UHMK1: variants seen among roughly 807,000 people sequenced by gnomAD.
UHMK1 encodes the protein U2AF homology motif kinase 1, also known as serine/threonine-protein kinase Kist.
In UHMK1, 18 loss-of-function variants were observed where a neutral mutation model predicts 44.0. The observed-to-expected ratio is 0.41, with a 90% CI of 0.28 to 0.61. The LOEUF (loss-of-function observed/expected upper bound fraction) is 0.61, where lower values mean the gene tolerates loss of function less well. Ranked by LOEUF, UHMK1 falls within the 20% of genes least tolerant of loss-of-function variation. The probability of loss-of-function intolerance (pLI) is 0.31; values close to 1 mark genes in which losing one functional copy is unlikely to be tolerated. For missense variants in UHMK1, 463 were observed against 522.5 expected, an observed-to-expected ratio of 0.89 and a Z score of 1.11; for synonymous variants, 231 against 198.5, an observed-to-expected ratio of 1.16 and a Z score of -1.38.
chr1:162,502,521 A>G (rs1477433605), intron 3 of UHMK1, among the ~76,000 whole-genome samples: 2 of 152,206 alleles, frequency 1.3e-5, no homozygotes, highest in African/African-American at 4.8e-5. Flanking sequence ...GACATAGATC[A>G]GTTATTTGAA....
chr1:162,506,235 C>A (rs1329550834), intron 4 of UHMK1, among the ~76,000 whole-genome samples: 4 of 118,284 alleles, frequency 3.4e-5, no homozygotes, highest in Admixed American at 8.6e-5. Context: ...CCCCCCCCCC[C>A]CACCATTTTA....
At chr1:162,521,570 A>C (rs1652060332) in intron 7 of UHMK1, among the ~76,000 whole-genome samples, 1 of 152,186 alleles carries the variant, frequency 6.6e-6, no homozygotes, top group Non-Finnish European at 1.5e-5. Flanking sequence ...TGATCCTCCC[A>C]ACTCTGCCTC....
intron 7 of UHMK1, among the ~76,000 whole-genome samples, chr1:162,521,083 G>C (rs1352922099): frequency 1.3e-5 from 2 of 152,132 alleles, no homozygotes; most frequent in Non-Finnish European, 1.5e-5. Context: ...TTTTGAAAAT[G>C]TCCATTACCT....
rs1251266407 is a variant in UHMK1, at chr1:162,500,119, G to T, written c.433G>T (p.Ala145Ser). ...GCATTGTGCCCGAGATGTTTTGGAG[G>T]CCCTTGCTTTTCTTCATCATGAGGG... ...IQHCARDVLE[A>S]LAFLHHEGYV... Residue 145 changes from alanine to serine, a missense_variant, in exon 2 of 8, where the codon GCC (alanine) becomes TCC (serine). This residue lies in a region of UHMK1 where 264 missense variants were observed against 326.3 expected (regional missense o/e 0.81). Transcript: ENST00000489294. The T allele has an allele frequency of 1.2e-6, 2 of 1,614,138 alleles. No homozygotes were observed.
chr1:162,500,335 G>T, intron 2 of UHMK1, 88 bp downstream of exon 2: 2 of 1,416,678 alleles, frequency 1.4e-6, no homozygotes, highest in East Asian at 2.4e-5. Context: ...AGTTTAGTAG[G>T]GGCTTACAAG....
intron 7 of UHMK1, among the ~76,000 whole-genome samples, chr1:162,520,709 G>A (rs890218591): frequency 2.6e-5 from 4 of 152,288 alleles, no homozygotes; most frequent in Middle Eastern, 6.8e-3. Flanking sequence ...AAGAAGAATA[G>A]TAGGAGATTA....
chr1:162,522,675 A>G lies in UHMK1; in HGVS notation c.*125A>G. ...TTTATACATTTATTTAATCCTACTA[A>G]TGTGCAGCCATTGCCCAAGCAGTGA... On this transcript the variant is annotated 3_prime_UTR_variant, in exon 8 of 8. Coordinates refer to ENST00000489294, the MANE Select transcript of UHMK1 (RefSeq NM_175866.5). 1 of 1,097,832 alleles carries G rather than the reference A, an allele frequency of 9.1e-7. No homozygotes were observed. Among genetic ancestry groups the G allele is most frequent in the Non-Finnish European group, 1.3e-6 (1 of 780,914 alleles). The allele number at this position is 1,097,832 out of a possible 1,614,324, so 68.0% of individuals were successfully genotyped here. A position where few individuals can be genotyped will look rare whatever the true frequency, so the allele number is the denominator to read the frequency against.
rs975613243 is a variant in UHMK1, at chr1:162,524,501, T to C, written c.*1951T>C. 6.6e-6 allele frequency: 1 copy of C among 152,222 alleles called. No homozygotes were observed. Among genetic ancestry groups the C allele is most frequent in the Non-Finnish European group, 1.5e-5 (1 of 68,032 alleles). 9.4% of individuals were successfully genotyped at this position (152,222 alleles called of 1,614,324 possible). ...ACCCGTATTGTGAAGACCTAAACTTTCCTAAATGTTCATATGGGTAGCAGA... is the reference window on the plus strand; with the variant it reads ...ACCCGTATTGTGAAGACCTAAACTTCCCTAAATGTTCATATGGGTAGCAGA... On this transcript the variant is annotated 3_prime_UTR_variant, in exon 8 of 8. Transcript: ENST00000489294.
intron 3 of UHMK1, 101 bp from the exon 4 acceptor site, chr1:162,503,653 A>T: frequency 1.7e-6 from 1 of 603,508 alleles, no homozygotes; most frequent in Non-Finnish European, 2.8e-6. Flanking sequence ...CTCAGAAGAT[A>T]GTGTTTTCTG....
chr1:162,503,512 G>C (rs242517), intron 3 of UHMK1, among the ~76,000 whole-genome samples: 11,559 of 151,462 alleles, frequency 0.076, 1,446 homozygotes, highest in African/African-American at 0.26. Context: ...GCAGGAGGCT[G>C]AGGCAGGAGG....
chr1:162,514,933 C>A (rs1370499042), intron 6 of UHMK1, among the ~76,000 whole-genome samples: 1 of 152,170 alleles, frequency 6.6e-6, no homozygotes, highest in East Asian at 1.9e-4. Flanking sequence ...TGCATAGTAA[C>A]CAAATGTTTT....
chr1:162,518,375 A>G lies in UHMK1; in HGVS notation c.1113+185A>G, dbSNP rs926413306. Among the ~76,000 whole-genome samples the G allele has an allele frequency of 5.3e-5, 8 of 151,830 alleles. No homozygotes were observed. The Middle Eastern group carries it at 0.014, about 258-fold the overall frequency. ...TCTAAAAGTTCTATAATATGCTTGC[A>G]TTTTTTTAGCACTTAAAATTTTTTT... On this transcript the variant is annotated intron_variant, in intron 7 of 7. Transcript: ENST00000489294.
At position 162,529,124 on chromosome 1, in the gene UHMK1, A is replaced by G. The variant is rs1276225248; in HGVS notation, c.*6574A>G. 6.6e-6 allele frequency: 1 copy of G among 152,170 alleles called. No individual in the cohort carries two copies. Among genetic ancestry groups the G allele is most frequent in the Non-Finnish European group, 1.5e-5 (1 of 67,982 alleles). 9.4% of individuals were successfully genotyped at this position (152,170 alleles called of 1,614,324 possible). The stretch of plus-strand genomic sequence containing the variant: ...TTTACCTTCACCTCAGAACTACAAG[A>G]ATATTACAATACATAGTGAATAGTT... On this transcript the variant is annotated 3_prime_UTR_variant, in exon 8 of 8. Transcript: ENST00000489294.
At position 162,512,813 on chromosome 1, in the gene UHMK1, G is replaced by A. The variant is rs375500615; in HGVS notation, c.1014G>A (p.Glu338=). 2.7e-5 allele frequency: 44 copies of A among 1,613,738 alleles called. No individual in the cohort carries two copies. The highest frequency in any genetic ancestry group is 1.6e-4 in the Middle Eastern group (1 of 6,082). Residue 338 remains glutamate (E), a synonymous_variant, in exon 6 of 8, where the codon GAG becomes GAA. Coordinates refer to ENST00000489294, the MANE Select transcript of UHMK1 (RefSeq NM_175866.5). ...VLDDDYLENE[E]EYEDVVEDVK... is the part of the protein sequence containing the mutation. Reference sequence around the variant, plus strand: ...ATGATGATTATCTTGAGAATGAAGAGGAATATGAAGGTTAGTGTTTTCTAA... The same window carrying A: ...ATGATGATTATCTTGAGAATGAAGAAGAATATGAAGGTTAGTGTTTTCTAA...
Position 162,526,781 on chromosome 1 carries a change from G to C in UHMK1, c.*4231G>C, listed in dbSNP as rs1177375130. The C allele has an allele frequency of 6.6e-6, 1 of 151,984 alleles. No homozygotes were observed. Among genetic ancestry groups the C allele is most frequent in the Non-Finnish European group, 1.5e-5 (1 of 67,950 alleles). The allele number at this position is 151,984 out of a possible 1,614,324, so 9.4% of individuals were successfully genotyped here. A position where few individuals can be genotyped will look rare whatever the true frequency, so the allele number is the denominator to read the frequency against. On this transcript the variant is annotated 3_prime_UTR_variant, in exon 8 of 8. Transcript: ENST00000489294. ...TTCCAATATTATATATGATGGAAAA[G>C]CCAGAATTGTCTGGCAGAATTTAAT...
Position 162,517,214 on chromosome 1 carries a change from A to T in UHMK1, c.1025-888A>T, listed in dbSNP as rs1651862876. ...CTTGAGAGGCTGAGGCAGGAGAATC[A>T]CTTGAACCCGGGAGGTGGAGGTTGC... is the stretch of plus-strand genomic sequence containing the variant. On this transcript the variant is annotated intron_variant, in intron 6 of 7. Transcript: ENST00000489294. 2.0e-5 allele frequency among the ~76,000 whole-genome samples: 3 copies of T among 152,086 alleles called. No homozygotes were observed. In the South Asian group the frequency reaches 6.2e-4, roughly 31 times the overall value.
Position 162,503,841 on chromosome 1 carries a change from A to C in UHMK1, c.841A>C (p.Ile281Leu). The C allele has an allele frequency of 1.2e-6, 2 of 1,613,808 alleles. No homozygotes were observed. The highest frequency in any genetic ancestry group is 1.7e-6 in the Non-Finnish European group (2 of 1,179,740). ...TCCAGCCTATCACCTAAGAGACCTT[A>C]TCAAAAGGTATGTTACACGTACCAT... is the stretch of plus-strand genomic sequence containing the variant. ...AIPAYHLRDL[I>L]KSMLHDDPSR... The change falls in exon 4 of 8, where the codon ATC (isoleucine) becomes CTC (leucine). Residue 281 changes from isoleucine to leucine, a missense_variant. Ile to Leu is a conservative substitution (Grantham distance 5). Transcript: ENST00000489294.
chr1:162,517,056 T>C (rs1406469193), intron 6 of UHMK1, among the ~76,000 whole-genome samples: 3 of 152,214 alleles, frequency 2.0e-5, no homozygotes, highest in African/African-American at 7.2e-5. Context: ...CCCAACACTT[T>C]GGGAGGCCAA....
chr1:162,502,345 T>G (rs1433733269), intron 3 of UHMK1, among the ~76,000 whole-genome samples: 1 of 152,210 alleles, frequency 6.6e-6, no homozygotes, highest in Admixed American at 6.5e-5. Context: ...GGTCACTGAT[T>G]TCCATTGTAG....
Sources: allele counts gnomAD v4.1 joint callset (sites outside exome capture counted in the v4.1 genomes callset), GRCh38; gene constraint gnomAD v4.1.1; regional missense constraint gnomAD v4.1.1; transcripts MANE v1.5; gene names NCBI Gene and HGNC (gene_info 2026-07-23, HGNC 2026-07-21).